Variants in RIGI observed in about 807,000 individuals in gnomAD.
RIGI encodes RNA sensor RIG-I.
At chr9:32,488,939 T>C in the RIGI span, 1 of 1,490,494 alleles carries the variant, frequency 6.7e-7, no homozygotes, top group Non-Finnish European at 9.0e-7. Context: ...ATTAGATATT[T>C]CTCTGGAAAG....
the RIGI span, among the ~76,000 whole-genome samples, chr9:32,521,157 A>AAAAAAAAAAAAAAAAAAAAAAAAAT: frequency 6.6e-6 from 1 of 150,652 alleles, no homozygotes; most frequent in Non-Finnish European, 1.5e-5. Context: ...AAAAAAAAAA[A>AAAAAAAAAAAAAAAAAAAAAAAAAT]AAAAACTTCA....
At chr9:32,488,159 G>A in the RIGI span, 7 of 1,614,068 alleles carry the variant, frequency 4.3e-6, no homozygotes, top group East Asian at 1.6e-4. Context: ...CTGTTCCACT[G>A]GGACATTCTC....
At chr9:32,511,063 A>C in the RIGI span, among the ~76,000 whole-genome samples, 1 of 152,244 alleles carries the variant, frequency 6.6e-6, no homozygotes, top group African/African-American at 2.4e-5. Context: ...ATATGCACCC[A>C]ATACAGGAAT....
the RIGI span, among the ~76,000 whole-genome samples, chr9:32,482,700 A>G: frequency 4.9e-3 from 740 of 152,198 alleles, 3 homozygotes; most frequent in Non-Finnish European, 8.8e-3. Flanking sequence ...TTCTACTAAA[A>G]ATACAAAAAT....
chr9:32,457,935 A>C, the RIGI span, among the ~76,000 whole-genome samples: 1 of 152,206 alleles, frequency 6.6e-6, no homozygotes, highest in Non-Finnish European at 1.5e-5. Flanking sequence ...CCCTCAGGAA[A>C]ACATAGGGTC....
At chr9:32,519,969 A>T in the RIGI span, among the ~76,000 whole-genome samples, 1 of 152,176 alleles carries the variant, frequency 6.6e-6, no homozygotes, top group Admixed American at 6.5e-5. Flanking sequence ...TTATCTAGAA[A>T]CCAATCTTGG....
chr9:32,487,516 G>C, the RIGI span: 1 of 1,614,156 alleles, frequency 6.2e-7, no homozygotes, highest in Non-Finnish European at 8.5e-7. Context: ...TCCAGATTGT[G>C]TTTGACTGTT....
the RIGI span, among the ~76,000 whole-genome samples, chr9:32,459,954 C>T: frequency 5.3e-5 from 8 of 152,168 alleles, no homozygotes; most frequent in South Asian, 1.7e-3. Context: ...TATGGTTTGG[C>T]TGTGTCCTCA....
chr9:32,456,853 T>G, the RIGI span: 1,836 of 392,118 alleles, frequency 4.7e-3, 37 homozygotes, highest in African/African-American at 0.035. Context: ...TACTGTGTGT[T>G]TGTTGGCAGT....
At chr9:32,461,333 G>A in the RIGI span, among the ~76,000 whole-genome samples, 24,539 of 152,160 alleles carry the variant, frequency 0.16, 2,165 homozygotes, top group Non-Finnish European at 0.21. Flanking sequence ...AATGATAAAA[G>A]GAACCCTGAA....
At chr9:32,489,461 A>C in the RIGI span, 1 of 1,572,184 alleles carries the variant, frequency 6.4e-7, no homozygotes, top group African/African-American at 1.4e-5. Flanking sequence ...TCTGGAATAC[A>C]AAAGGAGCAA....
chr9:32,502,434 C>G, the RIGI span, among the ~76,000 whole-genome samples: 1 of 152,140 alleles, frequency 6.6e-6, no homozygotes, highest in Non-Finnish European at 1.5e-5. Context: ...ATTGTCAAAC[C>G]ATTTTCCCAA....
At chr9:32,487,602 C>G in the RIGI span, 4 of 1,614,112 alleles carry the variant, frequency 2.5e-6, no homozygotes, top group Non-Finnish European at 3.4e-6. Flanking sequence ...TTTGGCATCC[C>G]CAACACCAAC....
chr9:32,486,129 C>G, the RIGI span, among the ~76,000 whole-genome samples: 2 of 152,024 alleles, frequency 1.3e-5, no homozygotes, highest in Non-Finnish European at 2.9e-5. Context: ...ACATGGCTAA[C>G]TAACCGTAGC....
the RIGI span, among the ~76,000 whole-genome samples, chr9:32,490,322 T>C: frequency 3.3e-5 from 5 of 152,208 alleles, no homozygotes; most frequent in African/African-American, 1.2e-4. Flanking sequence ...TGAGCTGAGA[T>C]TGTGCCACTG....
At chr9:32,473,138 T>A in the RIGI span, 2 of 1,117,948 alleles carry the variant, frequency 1.8e-6, no homozygotes, top group African/African-American at 1.6e-5. Context: ...TTGAAATACA[T>A]GCAAAAAGAA....
At chr9:32,470,543 C>T in the RIGI span, among the ~76,000 whole-genome samples, 1 of 152,048 alleles carries the variant, frequency 6.6e-6, no homozygotes, top group Admixed American at 6.6e-5. Context: ...TCATTCTCAG[C>T]TCAAGAGTCA....
At chr9:32,487,720 A>G in the RIGI span, 2 of 1,503,442 alleles carry the variant, frequency 1.3e-6, no homozygotes, top group Non-Finnish European at 1.8e-6. Context: ...CTGCTGGGGT[A>G]GGGCGTTTTT....
At chr9:32,473,060 TA>T in the RIGI span, 1 of 1,603,348 alleles carries the variant, frequency 6.2e-7, no homozygotes, top group African/African-American at 1.3e-5. Context: ...TCCAATTTTT[TA>T]AAGCCTGAAA....
Sources: gnomAD v4.1 joint callset for allele counts (sites outside exome capture counted in the v4.1 genomes callset) on GRCh38, gnomAD v4.1.1 for gene constraint, MANE v1.5 for transcripts, NCBI Gene and HGNC (gene_info 2026-07-23, HGNC 2026-07-21) for gene names.